The following PLXNA2 variants were observed in gnomAD, a reference collection of about 807,000 sequenced individuals.
The protein encoded by PLXNA2 is plexin A2.
Under a neutral mutation model 193.5 loss-of-function variants are expected in PLXNA2, and 91 were observed. The ratio of observed to expected loss-of-function variants is 0.47; its 90% confidence interval spans 0.40 to 0.56. The LOEUF is 0.56. PLXNA2 is among the 20% of genes least tolerant of loss of function. The pLI, the probability that PLXNA2 is intolerant of heterozygous loss-of-function variation, is 0.00. For missense variants in PLXNA2, 1,995 were observed against 2,503.2 expected (o/e 0.80, Z 4.33); for synonymous variants, 997 against 1,027.3 (o/e 0.97, Z 0.56).
intron 4 of PLXNA2, among the ~76,000 whole-genome samples, chr1:208,122,293 C>T (rs11577009): frequency 0.081 from 12,360 of 152,232 alleles, 575 homozygotes; most frequent in Middle Eastern, 0.099. Context: ...CAGGCCCAGC[C>T]TCATATTTAA....
chr1:208,214,602 G>A (rs76766423), intron 2 of PLXNA2, among the ~76,000 whole-genome samples: 8,928 of 152,236 alleles, frequency 0.059, 376 homozygotes, highest in East Asian at 0.15. Context: ...GAAGGTAGCC[G>A]TATGGGCCCC....
chr1:208,141,035 G>T (rs1668442375), intron 4 of PLXNA2, among the ~76,000 whole-genome samples: 1 of 152,210 alleles, frequency 6.6e-6, no homozygotes, highest in South Asian at 2.1e-4. Flanking sequence ...GCTGTCTACA[G>T]ATCCACAAAA....
rs148846226 is a variant in PLXNA2 at position 208,210,292 on chromosome 1, G to C, written c.1359C>G (p.Gly453=). Residue 453 remains glycine (G), a synonymous_variant, in exon 3 of 32, where the codon GGC becomes GGG. Coordinates refer to ENST00000367033, the MANE Select transcript of PLXNA2 (RefSeq NM_025179.4). ...CATAGACTCTTACCTTTTTCAGCTT[G>C]CCACTCTTAGTCCCCACAAAAACCA... The part of the protein sequence containing the change: ...YSVVFVGTKS[G]KLKKIRADGP... 6.2e-7 allele frequency: 1 copy of C among 1,613,744 alleles called. No individual in the cohort carries two copies. Among genetic ancestry groups the C allele is most frequent in the Non-Finnish European group, 8.5e-7 (1 of 1,179,966 alleles).
chr1:208,142,085 G>A (rs1668473264), intron 4 of PLXNA2, among the ~76,000 whole-genome samples: 1 of 152,216 alleles, frequency 6.6e-6, no homozygotes, highest in African/African-American at 2.4e-5. Flanking sequence ...TGTTCTTGCA[G>A]GGCTGTTCAT....
intron 13 of PLXNA2, among the ~76,000 whole-genome samples, chr1:208,057,123 CT>C (rs1453738565): frequency 6.6e-6 from 1 of 152,156 alleles, no homozygotes; most frequent in Non-Finnish European, 1.5e-5. Context: ...AATTCTAGCC[CT>C]TAATAATAAT....
chr1:208,134,485 A>G (rs1668246374), intron 4 of PLXNA2, among the ~76,000 whole-genome samples: 1 of 152,304 alleles, frequency 6.6e-6, no homozygotes, highest in South Asian at 2.1e-4. Flanking sequence ...AACCAGAAAC[A>G]CATGTGCATC....
At chr1:208,045,799 A>G in intron 18 of PLXNA2, 79 bp downstream of exon 18, 2 of 1,547,988 alleles carry the variant, frequency 1.3e-6, no homozygotes, top group South Asian at 1.2e-5. Context: ...CCAGAAAGAA[A>G]GAAAGTCAGG....
chr1:208,098,458 T>TCTCTCTCTCACACACA (rs368366958), intron 6 of PLXNA2, among the ~76,000 whole-genome samples: 5 of 123,522 alleles, frequency 4.0e-5, no homozygotes, highest in African/African-American at 9.5e-5. Context: ...TCTCTCTCTC[T>TCTCTCTCTCACACACA]CACACACACA....
At chr1:208,163,058 C>A (rs1255729283) in intron 3 of PLXNA2, among the ~76,000 whole-genome samples, 2 of 152,064 alleles carry the variant, frequency 1.3e-5, no homozygotes, top group African/African-American at 4.8e-5. Context: ...GGAGGCATGG[C>A]AGGGACAGCT....
At chr1:208,049,064 C>G (rs1361400605) in intron 17 of PLXNA2, among the ~76,000 whole-genome samples, 2 of 152,152 alleles carry the variant, frequency 1.3e-5, no homozygotes, top group Non-Finnish European at 2.9e-5. Context: ...CTAGCTGATC[C>G]TAAACTTGCT....
intron 1 of PLXNA2, among the ~76,000 whole-genome samples, chr1:208,229,907 G>A (rs192569825): frequency 2.2e-4 from 34 of 152,332 alleles, no homozygotes; most frequent in Admixed American, 2.2e-3. Flanking sequence ...TCGCAGCGCT[G>A]GATGGCGCAG....
chr1:208,032,160 C>G, intron 28 of PLXNA2: 1 of 984,980 alleles, frequency 1.0e-6, no homozygotes. Context: ...AGGAGCACAG[C>G]AGGACCAGGA....
At position 208,092,836 on chromosome 1, in the gene PLXNA2, G is replaced by C; in HGVS notation, c.2047C>G (p.His683Asp). ...TGGAAGGAGCAGGTGGTGGGGTCAT[G>C]AGTGCAGAGGTTGCGGTACTTGCAC... ...HWCKYRNLCT[H>D]DPTTCSFQEG... The change falls in exon 9 of 32, where the codon CAT becomes GAT. Residue 683 changes from histidine (H) to aspartate (D), a missense_variant. Transcript: ENST00000367033. The C allele has an allele frequency of 6.2e-7, 1 of 1,613,918 alleles. No homozygotes were observed. The highest frequency in any genetic ancestry group is 8.5e-7 in the Non-Finnish European group (1 of 1,179,882).
intron 10 of PLXNA2, among the ~76,000 whole-genome samples, chr1:208,083,949 C>T (rs575542702): frequency 9.9e-5 from 15 of 152,186 alleles, no homozygotes; most frequent in African/African-American, 2.4e-4. Flanking sequence ...GGAGTTGACT[C>T]GCTCTGGTTC....
At chr1:208,086,103 C>T (rs1372205037) in intron 9 of PLXNA2, among the ~76,000 whole-genome samples, 1 of 152,142 alleles carries the variant, frequency 6.6e-6, no homozygotes, top group Non-Finnish European at 1.5e-5. Flanking sequence ...GAATATTCAC[C>T]CATGATTGCT....
intron 21 of PLXNA2, 101 bp from the exon 22 acceptor site, chr1:208,042,467 A>G (rs761983934): frequency 7.8e-5 from 103 of 1,322,710 alleles, no homozygotes; most frequent in Non-Finnish European, 1.1e-4. Flanking sequence ...CACTAGCTGT[A>G]GGACCCTATG....
intron 1 of PLXNA2, among the ~76,000 whole-genome samples, chr1:208,229,095 G>A (rs1430651523): frequency 2.0e-5 from 3 of 152,022 alleles, no homozygotes; most frequent in Non-Finnish European, 4.4e-5. Flanking sequence ...GCATTCTCTG[G>A]GCCCTTCCCA....
intron 1 of PLXNA2, among the ~76,000 whole-genome samples, chr1:208,237,345 G>A (rs191189897): frequency 4.9e-4 from 75 of 152,274 alleles, no homozygotes; most frequent in Middle Eastern, 3.4e-3. Flanking sequence ...ATAATAGCAG[G>A]ATTCTGGACA....
intron 3 of PLXNA2, among the ~76,000 whole-genome samples, chr1:208,206,196 C>T (rs1336834378): frequency 6.6e-6 from 1 of 152,206 alleles, no homozygotes; most frequent in Non-Finnish European, 1.5e-5. Context: ...TAGCATGATT[C>T]CCACATCGAT....
Sources: gnomAD v4.1 joint callset for allele counts (sites outside exome capture counted in the v4.1 genomes callset) on GRCh38, gnomAD v4.1.1 for gene constraint, MANE v1.5 for transcripts, NCBI Gene and HGNC (gene_info 2026-07-23, HGNC 2026-07-21) for gene names.